Variants in RBFOX1 observed in about 807,000 individuals in gnomAD.
The protein encoded by RBFOX1 is RNA binding protein fox-1 homolog 1.
RBFOX1 carries 8 observed loss-of-function variants against 57.7 expected under a neutral mutation model. The ratio of observed to expected loss-of-function variants is 0.14; its 90% confidence interval spans 0.08 to 0.25. The LOEUF (loss-of-function observed/expected upper bound fraction) is 0.25. RBFOX1 is among the 10% of genes least tolerant of loss of function. The pLI, the probability that RBFOX1 is intolerant of heterozygous loss-of-function variation, is 1.00. For missense variants in RBFOX1, 611 were observed against 548.5 expected (o/e 1.11, Z -1.14); for synonymous variants, 326 against 222.4 (o/e 1.47, Z -4.15).
At chr16:6,179,546 C>A (rs954157925) in intron 1 of RBFOX1, among the ~76,000 whole-genome samples, 1 of 152,090 alleles carries the variant, frequency 6.6e-6, no homozygotes, top group African/African-American at 2.4e-5. Flanking sequence ...TGGCTTGGAG[C>A]CCTACTGGGC....
intron 5 of RBFOX1, among the ~76,000 whole-genome samples, chr16:7,563,600 T>A (rs1268942525): frequency 2.0e-5 from 3 of 152,130 alleles, no homozygotes; most frequent in Admixed American, 6.6e-5. Flanking sequence ...CCATAGCAGC[T>A]GGGACTACAG....
At chr16:6,809,060 GC>G (rs376679044) in intron 3 of RBFOX1, among the ~76,000 whole-genome samples, 2 of 152,112 alleles carry the variant, frequency 1.3e-5, no homozygotes, top group Non-Finnish European at 2.9e-5. Context: ...GCCAATCCCA[GC>G]CGCCATACTT....
chr16:7,231,195 A>C (rs538584784), intron 4 of RBFOX1, among the ~76,000 whole-genome samples: 24 of 152,332 alleles, frequency 1.6e-4, no homozygotes, highest in African/African-American at 4.3e-4. Flanking sequence ...CCAACAGAAC[A>C]ACCGAAAGAG....
intron 3 of RBFOX1, among the ~76,000 whole-genome samples, chr16:7,041,899 T>C (rs146604577): frequency 6.6e-6 from 1 of 150,862 alleles, no homozygotes; most frequent in East Asian, 2.1e-4. Flanking sequence ...AATTAGACAC[T>C]TTGCAGGTAC....
chr16:6,935,307 C>G (rs1328650344), intron 3 of RBFOX1, among the ~76,000 whole-genome samples: 13 of 152,062 alleles, frequency 8.5e-5, no homozygotes, highest in Admixed American at 8.5e-4. Context: ...GACGATCTCT[C>G]CAAGTCTTTG....
chr16:5,354,621 G>A (rs1362623707), intron 1 of RBFOX1, among the ~76,000 whole-genome samples: 1 of 152,248 alleles, frequency 6.6e-6, no homozygotes, highest in Non-Finnish European at 1.5e-5. Flanking sequence ...CTTGTGCTCT[G>A]CACAGAGTGC....
At chr16:6,511,650 A>G (rs1313951817) in intron 2 of RBFOX1, among the ~76,000 whole-genome samples, 1 of 152,134 alleles carries the variant, frequency 6.6e-6, no homozygotes, top group Non-Finnish European at 1.5e-5. Flanking sequence ...AATATTTACT[A>G]ACTCCCTGGT....
intron 1 of RBFOX1, among the ~76,000 whole-genome samples, chr16:5,438,442 A>C (rs1429903369): frequency 1.3e-5 from 2 of 152,188 alleles, no homozygotes; most frequent in Non-Finnish European, 2.9e-5. Flanking sequence ...TGTATGGCCT[A>C]ACACTTCAAG....
intron 2 of RBFOX1, among the ~76,000 whole-genome samples, chr16:6,502,412 C>A (rs775340475): frequency 2.0e-5 from 3 of 152,140 alleles, no homozygotes; most frequent in African/African-American, 4.8e-5. Flanking sequence ...TTGAGTCCAT[C>A]ACTAAAGACC....
intron 4 of RBFOX1, among the ~76,000 whole-genome samples, chr16:7,171,053 G>C (rs980935043): frequency 3.9e-5 from 6 of 152,122 alleles, no homozygotes; most frequent in Admixed American, 3.3e-4. Context: ...ATTTCCATTT[G>C]TCTGAATCTT....
intron 2 of RBFOX1, among the ~76,000 whole-genome samples, chr16:6,366,022 C>G (rs909038628): frequency 6.6e-6 from 1 of 150,908 alleles, no homozygotes; most frequent in African/African-American, 2.4e-5. Flanking sequence ...AAGCCACATT[C>G]TAACTTCTTT....
intron 1 of RBFOX1, among the ~76,000 whole-genome samples, chr16:5,439,938 G>T (rs1343714304): frequency 6.6e-6 from 1 of 152,228 alleles, no homozygotes; most frequent in Non-Finnish European, 1.5e-5. Context: ...GAGATGTCAA[G>T]CTGGCAGCTT....
At chr16:5,586,593 G>A (rs2046836055) in intron 2 of RBFOX1, among the ~76,000 whole-genome samples, 1 of 152,174 alleles carries the variant, frequency 6.6e-6, no homozygotes, top group Non-Finnish European at 1.5e-5. Context: ...AACCTCCTGG[G>A]CTCAAGCAAT....
At chr16:6,407,615 A>G (rs2093333876) in intron 2 of RBFOX1, among the ~76,000 whole-genome samples, 2 of 145,668 alleles carry the variant, frequency 1.4e-5, no homozygotes, top group Non-Finnish European at 3.0e-5. Context: ...ATCCTAGGAA[A>G]TGGGAACAGA....
intron 3 of RBFOX1, among the ~76,000 whole-genome samples, chr16:5,730,945 C>G (rs1315871636): frequency 2.0e-5 from 3 of 148,612 alleles, no homozygotes; most frequent in African/African-American, 7.3e-5. Flanking sequence ...ACCATCATCA[C>G]TATCAGTATC....
At chr16:6,465,470 T>TA (rs1426957065) in intron 2 of RBFOX1, among the ~76,000 whole-genome samples, 1 of 152,196 alleles carries the variant, frequency 6.6e-6, no homozygotes, top group Non-Finnish European at 1.5e-5. Flanking sequence ...GTTCAGCAGT[T>TA]AGACTCAGCT....
intron 4 of RBFOX1, among the ~76,000 whole-genome samples, chr16:7,407,378 GTGTGT>G (rs2098362442): frequency 5.1e-5 from 1 of 19,752 alleles, no homozygotes; most frequent in Non-Finnish European, 3.8e-4. Context: ...GTATGGGTGT[GTGTGT>G]GTGTGTGTGT....
chr16:5,510,542 C>T (rs963654864), intron 2 of RBFOX1, among the ~76,000 whole-genome samples: 7 of 152,072 alleles, frequency 4.6e-5, no homozygotes, highest in Admixed American at 6.5e-5. Flanking sequence ...CCAGGCTCAC[C>T]GGGCAGGGAA....
At chr16:5,494,772 G>C (rs1390164916) in intron 2 of RBFOX1, among the ~76,000 whole-genome samples, 1 of 152,186 alleles carries the variant, frequency 6.6e-6, no homozygotes, top group Non-Finnish European at 1.5e-5. Flanking sequence ...AATAGCTTTC[G>C]CTCCCTGGGC....
Sources: allele counts gnomAD v4.1 joint callset (sites outside exome capture counted in the v4.1 genomes callset), GRCh38; gene constraint gnomAD v4.1.1; transcripts MANE v1.5; gene names NCBI Gene and HGNC (gene_info 2026-07-23, HGNC 2026-07-21).